Variants in KAT2B observed in about 807,000 individuals in gnomAD.
KAT2B encodes lysine acetyltransferase 2B.
A neutral mutation model predicts 105.9 loss-of-function variants in KAT2B; 36 were observed. That is an observed-to-expected ratio of 0.34 (90% CI 0.26 to 0.45). The LOEUF (loss-of-function observed/expected upper bound fraction) is 0.45. Ranked by LOEUF, KAT2B falls within the 20% of genes least tolerant of loss-of-function variation. The pLI is 1.00. For missense variants in KAT2B, 820 were observed against 1,021.6 expected (o/e 0.80, Z 2.69); for synonymous variants, 397 against 377.9 (o/e 1.05, Z -0.59).
At chr3:20,103,839 G>A (rs1698952637) in intron 5 of KAT2B, among the ~76,000 whole-genome samples, 3 of 152,164 alleles carry the variant, frequency 2.0e-5, no homozygotes, top group African/African-American at 4.8e-5. Context: ...GGTTTGAATG[G>A]TGTGGGTCCA....
intron 1 of KAT2B, 26 bp from the exon 2 acceptor site, chr3:20,072,307 T>C (rs1203372792): frequency 4.3e-6 from 7 of 1,611,082 alleles, no homozygotes; most frequent in Admixed American, 1.7e-5. Flanking sequence ...TAAATAATTT[T>C]GTCTCTTTCT....
At chr3:20,062,053 A>ATATATTATATATAAAAC (rs1559514004) in intron 1 of KAT2B, among the ~76,000 whole-genome samples, 5 of 71,140 alleles carry the variant, frequency 7.0e-5, no homozygotes, top group Non-Finnish European at 1.5e-4. Context: ...TAAAACATAT[A>ATATATTATATATAAAAC]ATATATATTA....
intron 2 of KAT2B, among the ~76,000 whole-genome samples, chr3:20,080,006 C>T (rs1698491950): frequency 1.3e-5 from 2 of 152,212 alleles, no homozygotes; most frequent in Non-Finnish European, 2.9e-5. Context: ...CTTCAAGTTC[C>T]TGCCTCTAGC....
rs145500471 is a variant in KAT2B at position 20,101,439 on chromosome 3, T to C, written c.822T>C (p.Asp274=). 4.5e-5 allele frequency: 73 copies of C among 1,613,980 alleles called. No individual in the cohort carries two copies. The highest frequency in any genetic ancestry group is 5.8e-5 in the Non-Finnish European group (69 of 1,179,952). The part of the protein sequence containing the change: ...SQRRLRSPND[D]ISGYKENYTR... ...GAAGACTGCGATCTCCCAATGATGA[T>C]ATTTCTGGATACAAAGAGAACTACA... Residue 274 remains aspartate, a synonymous_variant, in exon 5 of 18, where the codon GAT becomes GAC. Transcript: ENST00000263754.
chr3:20,148,581 CT>C, intron 17 of KAT2B, 94 bp downstream of exon 17: 2 of 907,122 alleles, frequency 2.2e-6, no homozygotes, highest in Non-Finnish European at 3.4e-6. Flanking sequence ...TACTCCTCTG[CT>C]TAGGGTAGGA....
chr3:20,058,881 A>G (rs1698047773), intron 1 of KAT2B, among the ~76,000 whole-genome samples: 1 of 152,186 alleles, frequency 6.6e-6, no homozygotes, highest in Non-Finnish European at 1.5e-5. Context: ...TGGCTACTCA[A>G]AGAGTGGTCT....
chr3:20,076,157 A>G (rs569150707), intron 2 of KAT2B, among the ~76,000 whole-genome samples: 18 of 152,248 alleles, frequency 1.2e-4, no homozygotes, highest in African/African-American at 4.1e-4. Flanking sequence ...TGCTCAGGAA[A>G]TCCCAAGGGT....
rs1000080982 is a variant in KAT2B at position 20,101,593 on chromosome 3, G to A, written c.851+125G>A. On this transcript the variant is annotated intron_variant, in intron 5 of 17. Coordinates refer to ENST00000263754, the MANE Select transcript of KAT2B (RefSeq NM_003884.5). ...ATGACTCCATCAATTCAGAGATAAT[G>A]TCTTTATAATTTAACTTGCAAACTC... 53 of 713,034 alleles carry A rather than the reference G, an allele frequency of 7.4e-5. No homozygotes were observed. In the Admixed American group the frequency reaches 1.4e-3, roughly 18 times the overall value. The allele number at this position is 713,034 out of a possible 1,614,324, so 44.2% of individuals were successfully genotyped here. A position where few individuals can be genotyped will look rare whatever the true frequency, so the allele number is the denominator to read the frequency against.
chr3:20,095,212 G>A (rs774058123), intron 2 of KAT2B, 51 bp from the exon 3 acceptor site: 1 of 1,495,884 alleles, frequency 6.7e-7, no homozygotes, highest in South Asian at 1.2e-5. Context: ...AATGGGGAAT[G>A]TTTGGTTTCC....
At chr3:20,144,276 C>CTTTTTTTTTT (rs761735374) in intron 13 of KAT2B, among the ~76,000 whole-genome samples, 1 of 89,410 alleles carries the variant, frequency 1.1e-5, no homozygotes, top group Non-Finnish European at 2.2e-5. Context: ...CCTTGGGATT[C>CTTTTTTTTTT]TTTTTTTTTT....
At chr3:20,062,487 A>C (rs1052610346) in intron 1 of KAT2B, among the ~76,000 whole-genome samples, 1 of 138,182 alleles carries the variant, frequency 7.2e-6, no homozygotes, top group South Asian at 2.2e-4. Flanking sequence ...TATTAGAGGT[A>C]GTTTTGCTCT....
rs1227683992 is a variant in KAT2B at position 20,153,310 on chromosome 3, C to G, written c.*785C>G. ...TAAGTTCCAAAAGATAATTTCCCTG[C>G]CCACAAAGGCATAAACTTGAAAACA... is the stretch of plus-strand genomic sequence containing the variant. On this transcript the variant is annotated 3_prime_UTR_variant, in exon 18 of 18. Coordinates refer to ENST00000263754, the MANE Select transcript of KAT2B (RefSeq NM_003884.5). 6.6e-6 allele frequency: 1 copy of G among 152,120 alleles called. No individual in the cohort carries two copies. The highest frequency in any genetic ancestry group is 2.4e-5 in the African/African-American group (1 of 41,438). 9.4% of individuals were successfully genotyped at this position (152,120 alleles called of 1,614,324 possible).
At chr3:20,062,658 C>T (rs191900817) in intron 1 of KAT2B, among the ~76,000 whole-genome samples, 222 of 151,614 alleles carry the variant, frequency 1.5e-3, no homozygotes, top group Non-Finnish European at 2.7e-3. Flanking sequence ...GACGGGGTTT[C>T]GCCTTGTTTG....
intron 11 of KAT2B, among the ~76,000 whole-genome samples, chr3:20,132,714 G>C (rs1297642885): frequency 2.0e-5 from 3 of 152,142 alleles, no homozygotes; most frequent in Non-Finnish European, 4.4e-5. Context: ...CTTGGAATCT[G>C]GAAAAGATTT....
At chr3:20,106,053 C>T (rs1698996461) in intron 5 of KAT2B, among the ~76,000 whole-genome samples, 1 of 152,034 alleles carries the variant, frequency 6.6e-6, no homozygotes, top group African/African-American at 2.4e-5. Flanking sequence ...GGCCTCAGTC[C>T]CTGTGAACTA....
chr3:20,041,047 C>T (rs1433690188), intron 1 of KAT2B, among the ~76,000 whole-genome samples: 2 of 152,216 alleles, frequency 1.3e-5, no homozygotes, highest in Admixed American at 6.5e-5. Context: ...GGCATCCGAG[C>T]TCCCGGGCTA....
At chr3:20,108,600 G>A (rs1292318962) in intron 5 of KAT2B, among the ~76,000 whole-genome samples, 1 of 150,922 alleles carries the variant, frequency 6.6e-6, no homozygotes, top group East Asian at 2.0e-4. Context: ...ACAGTCGTTT[G>A]TAGTATTCAG....
rs377690884 is a variant in KAT2B, at chr3:20,124,735, AT to A, written c.1414-1166del. 3.2e-4 allele frequency among the ~76,000 whole-genome samples: 48 copies of A among 152,274 alleles called. No individual in the cohort carries two copies. In the South Asian group the frequency reaches 9.1e-3, roughly 29 times the overall value. Reference sequence around the variant, plus strand: ...CTGGAATGCACAAGAAAATTGTTAAATTTTCAGGAGTTTTGTGAGCTGGTTG... The same window carrying A: ...CTGGAATGCACAAGAAAATTGTTAAATTTCAGGAGTTTTGTGAGCTGGTTG... On this transcript the variant is annotated intron_variant, in intron 9 of 17. Coordinates refer to ENST00000263754, the MANE Select transcript of KAT2B (RefSeq NM_003884.5).
chr3:20,144,086 G>A (rs1244405747), intron 13 of KAT2B, among the ~76,000 whole-genome samples: 1 of 151,924 alleles, frequency 6.6e-6, no homozygotes, highest in African/African-American at 2.4e-5. Context: ...AGCTTAGGAC[G>A]CCTCCCATTC....
Sources: gnomAD v4.1 joint callset for allele counts (sites outside exome capture counted in the v4.1 genomes callset) on GRCh38, gnomAD v4.1.1 for gene constraint, MANE v1.5 for transcripts, NCBI Gene and HGNC (gene_info 2026-07-23, HGNC 2026-07-21) for gene names.